The following PTPN13 variants were observed in gnomAD, a reference collection of about 807,000 sequenced individuals.
PTPN13 encodes the protein tyrosine-protein phosphatase non-receptor type 13.
Under a neutral mutation model 284.0 loss-of-function variants are expected in PTPN13, and 191 were observed. The ratio of observed to expected loss-of-function variants is 0.67; its 90% CI spans 0.60 to 0.76. PTPN13 has a LOEUF of 0.76. Ranked by LOEUF, PTPN13 falls within the 30% of genes least tolerant of loss-of-function variation. The pLI is 0.00. For missense variants in PTPN13, 2,797 were observed against 2,939.9 expected, an observed-to-expected ratio of 0.95 and a Z score of 1.12; for synonymous variants, 986 against 1,022.3, an observed-to-expected ratio of 0.96 and a Z score of 0.68.
intron 37 of PTPN13, among the ~76,000 whole-genome samples, chr4:86,782,858 T>C (rs1741479978): frequency 6.6e-6 from 1 of 152,220 alleles, no homozygotes; most frequent in Non-Finnish European, 1.5e-5. Context: ...ATGCTCTTTT[T>C]AAGTCTACTT....
intron 6 of PTPN13, among the ~76,000 whole-genome samples, chr4:86,697,962 A>G (rs1483804087): frequency 3.3e-5 from 5 of 152,158 alleles, no homozygotes; most frequent in Non-Finnish European, 7.4e-5. Flanking sequence ...TATTCTTGAA[A>G]TCTTACCCAA....
At chr4:86,753,162 C>T in intron 20 of PTPN13, 97 bp downstream of exon 20, 1 of 848,704 alleles carries the variant, frequency 1.2e-6, no homozygotes, top group South Asian at 2.3e-5. Flanking sequence ...GAGTTCCATG[C>T]CTAGGATTTG....
chr4:86,737,678 A>G (rs1203249928), intron 15 of PTPN13, among the ~76,000 whole-genome samples: 1 of 151,796 alleles, frequency 6.6e-6, no homozygotes, highest in South Asian at 2.1e-4. Flanking sequence ...AATGTCATGT[A>G]AAAAATAATA....
intron 13 of PTPN13, 31 bp from the exon 14 acceptor site, chr4:86,734,706 C>T: frequency 6.3e-7 from 1 of 1,587,838 alleles, no homozygotes; most frequent in Admixed American, 1.7e-5. Context: ...AAATCAAAGG[C>T]CAAGATGTCT....
chr4:86,632,918 C>T (rs1311893217), intron 1 of PTPN13, among the ~76,000 whole-genome samples: 4 of 152,056 alleles, frequency 2.6e-5, no homozygotes, highest in Non-Finnish European at 5.9e-5. Flanking sequence ...AAGCGAGCCT[C>T]CCTTTTCAGC....
chr4:86,690,290 A>G (rs1364239992), intron 5 of PTPN13: 2 of 152,190 alleles, frequency 1.3e-5, no homozygotes, highest in Non-Finnish European at 2.9e-5. Context: ...CTATTAAAAA[A>G]TCTTTGAAAA....
chr4:86,724,955 T>C (rs1223240929), intron 10 of PTPN13, among the ~76,000 whole-genome samples: 1 of 152,032 alleles, frequency 6.6e-6, no homozygotes, highest in Non-Finnish European at 1.5e-5. Context: ...CTCCTAATGC[T>C]ATCCCTCCCC....
At chr4:86,625,178 T>C (rs916285051) in intron 1 of PTPN13, among the ~76,000 whole-genome samples, 4 of 152,120 alleles carry the variant, frequency 2.6e-5, no homozygotes, top group African/African-American at 4.8e-5. Flanking sequence ...CCTCCTCCTA[T>C]ATCTTGGAAC....
rs1739987672 is a variant in PTPN13 at position 86,771,412 on chromosome 4, C to T, written c.5045C>T (p.Thr1682Ile). 6.4e-7 allele frequency: 1 copy of T among 1,566,326 alleles called. No homozygotes were observed. The highest frequency in any genetic ancestry group is 1.2e-5 in the South Asian group (1 of 85,178). ...NSTWSSALHQ[T>I]LSNMVSQAQS... ...ACCTGGAGTTCAGCTTTGCATCAGA[C>T]TCTAAGCAACATGGTATCACAGGCA... The change falls in exon 31 of 48, where the codon ACT (threonine) becomes ATT (isoleucine). Residue 1682 changes from threonine (T) to isoleucine (I), a missense_variant. Coordinates refer to ENST00000411767, the MANE Select transcript of PTPN13 (RefSeq NM_080683.3).
At position 86,735,764 on chromosome 4, in the gene PTPN13, C is replaced by A. The variant is rs764542874; in HGVS notation, c.2304+18C>A. ...TTTTAAAGGTAAGCATCCAAGATTA[C>A]AAATGATAAGCTTTGTATCTTTTCC... On this transcript the variant is annotated intron_variant, in intron 15 of 47. Transcript: ENST00000411767. The A allele has an allele frequency of 4.4e-6, 7 of 1,599,848 alleles. No homozygotes were observed. The highest frequency in any genetic ancestry group is 2.2e-5 in the East Asian group (1 of 44,680).
At chr4:86,756,604 A>C (rs1737995101) in intron 20 of PTPN13, among the ~76,000 whole-genome samples, 1 of 152,140 alleles carries the variant, frequency 6.6e-6, no homozygotes, top group Admixed American at 6.5e-5. Context: ...ACTTGCATCA[A>C]AACAGTATTG....
At chr4:86,793,756 T>C (rs1295169170) in intron 40 of PTPN13, among the ~76,000 whole-genome samples, 1 of 152,176 alleles carries the variant, frequency 6.6e-6, no homozygotes. Context: ...GAATGACTAC[T>C]GGGTATATAA....
At chr4:86,747,460 A>C (rs1736892730) in intron 17 of PTPN13, among the ~76,000 whole-genome samples, 1 of 152,128 alleles carries the variant, frequency 6.6e-6, no homozygotes, top group Middle Eastern at 3.2e-3. Flanking sequence ...ACCATCATCA[A>C]CAATGTTTTA....
At chr4:86,786,401 G>A (rs1741919460) in intron 40 of PTPN13, among the ~76,000 whole-genome samples, 2 of 147,292 alleles carry the variant, frequency 1.4e-5, no homozygotes, top group African/African-American at 2.4e-5. Flanking sequence ...TATTAAAACT[G>A]TGCTGGTTTG....
chr4:86,610,731 T>C (rs1265014712), intron 1 of PTPN13, among the ~76,000 whole-genome samples: 2 of 152,218 alleles, frequency 1.3e-5, no homozygotes, highest in African/African-American at 4.8e-5. Context: ...TGTTGTCCTA[T>C]AGGCCAAACA....
At chr4:86,751,753 G>T (rs536563972) in intron 19 of PTPN13, among the ~76,000 whole-genome samples, 3 of 152,236 alleles carry the variant, frequency 2.0e-5, no homozygotes, top group African/African-American at 7.2e-5. Context: ...TAGTTTTGGA[G>T]AAGCATTTAC....
At chr4:86,788,595 T>C (rs1742257607) in intron 40 of PTPN13, among the ~76,000 whole-genome samples, 1 of 152,224 alleles carries the variant, frequency 6.6e-6, no homozygotes, top group African/African-American at 2.4e-5. Context: ...TTGTACTCTT[T>C]GGTACCTCTT....
At chr4:86,638,365 C>T (rs1392169012) in intron 2 of PTPN13, among the ~76,000 whole-genome samples, 9 of 152,186 alleles carry the variant, frequency 5.9e-5, no homozygotes, top group Admixed American at 2.0e-4. Flanking sequence ...GAGCCTGCAT[C>T]GCCAAGTCAG....
intron 30 of PTPN13, among the ~76,000 whole-genome samples, 169 bp downstream of exon 30, chr4:86,770,368 A>G (rs1188530263): frequency 6.6e-6 from 1 of 152,150 alleles, no homozygotes; most frequent in Non-Finnish European, 1.5e-5. Context: ...AATGTATTCC[A>G]TATTTATATA....
Sources: allele counts gnomAD v4.1 joint callset (sites outside exome capture counted in the v4.1 genomes callset), GRCh38; gene constraint gnomAD v4.1.1; transcripts MANE v1.5; gene names NCBI Gene and HGNC (gene_info 2026-07-23, HGNC 2026-07-21).